POLI: variants seen among roughly 807,000 people sequenced by gnomAD.
POLI encodes the protein DNA polymerase iota.
Under a neutral mutation model 51.6 loss-of-function variants are expected in POLI, and 58 were observed. The observed-to-expected ratio is 1.12, with a 90% CI of 0.91 to 1.40. POLI has a LOEUF of 1.40. POLI is among the 40% of genes most tolerant of loss of function. The probability of loss-of-function intolerance (pLI) is 0.00; values close to 1 mark genes in which losing one functional copy is unlikely to be tolerated. For synonymous variants in POLI, 322 were observed against 299.7 expected, an observed-to-expected ratio of 1.07 and a Z score of -0.77; for missense variants, 921 against 871.3, an observed-to-expected ratio of 1.06 and a Z score of -0.72.
At chr18:54,304,313 C>G (rs1212213173) in intron 3 of POLI, among the ~76,000 whole-genome samples, 3 of 152,136 alleles carry the variant, frequency 2.0e-5, no homozygotes, top group Admixed American at 6.5e-5. Flanking sequence ...ATTTCTAGTT[C>G]TAGATCCTTG....
intron 3 of POLI, among the ~76,000 whole-genome samples, chr18:54,314,352 T>C (rs1326925957): frequency 6.6e-6 from 1 of 152,342 alleles, no homozygotes; most frequent in South Asian, 2.1e-4. Flanking sequence ...AACTTTTTGA[T>C]GTTCTGCTGG....
At chr18:54,284,865 CAAT>C (rs1308595522) in intron 7 of POLI, 1 of 152,186 alleles carries the variant, frequency 6.6e-6, no homozygotes, top group African/African-American at 2.4e-5. Flanking sequence ...ATGTATTTCT[CAAT>C]ATTCCATATT....
chr18:54,277,738 CT>C lies in POLI; in HGVS notation c.444del (p.Gly149AspfsTer9). 1.9e-6 allele frequency: 3 copies of C among 1,607,106 alleles called. No individual in the cohort carries two copies. In the Middle Eastern group the frequency reaches 5.0e-4, roughly 266 times the overall value. On this transcript the variant is annotated frameshift_variant, in exon 4 of 10. Coordinates refer to ENST00000579534, the MANE Select transcript of POLI (RefSeq NM_007195.3). LOFTEE classifies it high-confidence loss of function. Reference protein sequence around the residue: ...LEEFSPVVERLGFDENFVDLT... With the variant: ...LEEFSPVVERXGFDENFVDLT... ...AGAATTTAGTCCAGTTGTTGAGAGA[CT>C]TGGATTTGATGAAAATTTTGTGGAT... is the stretch of plus-strand genomic sequence containing the variant.
chr18:54,294,313 C>G lies in POLI; in HGVS notation c.2069C>G (p.Thr690Arg), dbSNP rs1331528986. Reference sequence around the variant, plus strand: ...GCAACAGACTCTCATGAAGGACTTACAGAAAATAGAGAGCCAGATTCTGTT... The same window carrying G: ...GCAACAGACTCTCATGAAGGACTTAGAGAAAATAGAGAGCCAGATTCTGTT... ...TVATDSHEGLTENREPDSVDE... is the reference protein window; with the variant it reads ...TVATDSHEGLRENREPDSVDE... The change falls in exon 10 of 10, where the codon ACA becomes AGA. Residue 690 changes from threonine (T) to arginine (R), a missense_variant. By Grantham distance (71) the Thr-to-Arg change is moderately conservative. Coordinates refer to ENST00000579534, the MANE Select transcript of POLI (RefSeq NM_007195.3). The G allele has an allele frequency of 1.9e-6, 3 of 1,613,490 alleles. No individual in the cohort carries two copies. The highest frequency in any genetic ancestry group is 1.7e-5 in the Admixed American group (1 of 59,970).
rs761698213 is a variant in POLI at position 54,269,613 on chromosome 18, G to T, written c.67G>T (p.Ala23Ser). 5.3e-6 allele frequency: 8 copies of T among 1,512,178 alleles called. No homozygotes were observed. In the Admixed American group the frequency reaches 1.8e-4, roughly 34 times the overall value. 93.7% of individuals were successfully genotyped at this position (1,512,178 alleles called of 1,614,324 possible). The part of the protein sequence containing the change: ...GGDDDEEDAE[A>S]WAMELADVGA... ...CGACGACGACGAGGAAGACGCCGAGGCCTGGGCCATGGAACTGGCGGACGT... is the reference window on the plus strand; with the variant it reads ...CGACGACGACGAGGAAGACGCCGAGTCCTGGGCCATGGAACTGGCGGACGT... The change falls in exon 1 of 10, where the codon GCC becomes TCC. Residue 23 changes from alanine (A) to serine (S), a missense_variant. Physicochemically the swap from Ala to Ser is moderately conservative, Grantham distance 99. Coordinates refer to ENST00000579534, the MANE Select transcript of POLI (RefSeq NM_007195.3).
intron 8 of POLI, 41 bp from the exon 9 acceptor site, chr18:54,291,792 T>C (rs1382780160): frequency 4.4e-6 from 4 of 917,962 alleles, no homozygotes; most frequent in Non-Finnish European, 6.8e-6. Flanking sequence ...ATTATGCTCT[T>C]AATATTAATT....
intron 7 of POLI, among the ~76,000 whole-genome samples, chr18:54,285,455 G>A (rs1222307485): frequency 6.6e-6 from 1 of 151,448 alleles, no homozygotes; most frequent in East Asian, 1.9e-4. Context: ...CCCACACCAC[G>A]GGCCCTTATT....
At chr18:54,316,457 A>G (rs1295256913) in intron 3 of POLI, among the ~76,000 whole-genome samples, 1 of 152,246 alleles carries the variant, frequency 6.6e-6, no homozygotes, top group African/African-American at 2.4e-5. Flanking sequence ...GTACAAAACA[A>G]TTATTAACAG....
intron 3 of POLI, among the ~76,000 whole-genome samples, chr18:54,316,901 G>C (rs895751944): frequency 1.3e-5 from 2 of 152,120 alleles, no homozygotes; most frequent in African/African-American, 4.8e-5. Context: ...AGTTGATTGA[G>C]GGTTGCTATT....
chr18:54,294,141 C>A lies in POLI; in HGVS notation c.1897C>A (p.Arg633=). The A allele has an allele frequency of 6.2e-7, 1 of 1,610,606 alleles. No homozygotes were observed. The highest frequency in any genetic ancestry group is 2.2e-5 in the East Asian group (1 of 44,832). Reference sequence around the variant, plus strand: ...TTTAGATAATAGATTAAAAGATGAACGAATAAGTCAAGGACCTAAAGAACC... The same window carrying A: ...TTTAGATAATAGATTAAAAGATGAAAGAATAAGTCAAGGACCTAAAGAACC... ...YYLDNRLKDE[R]ISQGPKEPQG... The change falls in exon 10 of 10, where the codon CGA becomes AGA. Residue 633 remains arginine, a synonymous_variant. Coordinates refer to ENST00000579534, the MANE Select transcript of POLI (RefSeq NM_007195.3).
chr18:54,312,706 A>C (rs1235218746), intron 3 of POLI, among the ~76,000 whole-genome samples: 1 of 152,146 alleles, frequency 6.6e-6, no homozygotes, highest in Non-Finnish European at 1.5e-5. Context: ...TCTGATAATT[A>C]GTGATAAGCA....
chr18:54,291,921 C>T lies in POLI; in HGVS notation c.1287C>T (p.Thr429=), dbSNP rs1167815219. The part of the protein sequence containing the change: ...MVNVKMPFHL[T]LLSVCFCNLK... ...ATGTGAAGATGCCATTTCACCTTAC[C>T]CTTCTAAGTGTGTGCTTCTGCAACC... Residue 429 remains threonine, a synonymous_variant, in exon 9 of 10, where the codon ACC becomes ACT. Coordinates refer to ENST00000579534, the MANE Select transcript of POLI (RefSeq NM_007195.3). 3 of 1,608,644 alleles carry T rather than the reference C, an allele frequency of 1.9e-6. No individual in the cohort carries two copies. Among genetic ancestry groups the T allele is most frequent in the Non-Finnish European group, 1.7e-6 (2 of 1,175,714 alleles).
chr18:54,270,225 A>G, intron 1 of POLI: 1 of 176,166 alleles, frequency 5.7e-6, no homozygotes. Context: ...TAATTTAGAG[A>G]CAAGGTCTCC....
chr18:54,281,369 G>A (rs191540535), intron 5 of POLI, among the ~76,000 whole-genome samples: 49 of 152,220 alleles, frequency 3.2e-4, no homozygotes, highest in Middle Eastern at 6.8e-3. Flanking sequence ...TGAGGAGTTC[G>A]GTGACCTATT....
At chr18:54,283,327 A>T (rs2087602406) in intron 6 of POLI, among the ~76,000 whole-genome samples, 1 of 152,170 alleles carries the variant, frequency 6.6e-6, no homozygotes, top group Non-Finnish European at 1.5e-5. Context: ...AGAGTAGTCC[A>T]GTGATTTAGC....
intron 3 of POLI, among the ~76,000 whole-genome samples, chr18:54,304,778 T>C (rs574765895): frequency 6.6e-6 from 1 of 152,330 alleles, no homozygotes; most frequent in East Asian, 1.9e-4. Flanking sequence ...AGATCCCATT[T>C]GTCAATTTTG....
Position 54,277,788 on chromosome 18 carries a change from A to T in POLI, c.492A>T (p.Arg164Ser), listed in dbSNP as rs143166193. Residue 164 changes from arginine to serine, a missense_variant, in exon 4 of 10, where the codon AGA (arginine) becomes AGT (serine). Arg to Ser is a moderately radical substitution (Grantham distance 110). Coordinates refer to ENST00000579534, the MANE Select transcript of POLI (RefSeq NM_007195.3). ...ATCTAACAGAAATGGTTGAGAAGAG[A>T]CTACAGCAGCTGCAAAGTGATGAAC... ...FVDLTEMVEK[R>S]LQQLQSDELS... The T allele has an allele frequency of 9.3e-6, 15 of 1,612,740 alleles. No individual in the cohort carries two copies. Among genetic ancestry groups the T allele is most frequent in the African/African-American group, 1.3e-5 (1 of 74,892 alleles).
In POLI at chr18:54,269,660, G is replaced by T; in HGVS notation, c.114G>T (p.Gln38His). The T allele has an allele frequency of 6.6e-7, 1 of 1,505,408 alleles. No individual in the cohort carries two copies. 93.3% of individuals were successfully genotyped at this position (1,505,408 alleles called of 1,614,324 possible). A position where few individuals can be genotyped will look rare whatever the true frequency, so the allele number is the denominator to read the frequency against. Residue 38 changes from glutamine to histidine, a missense_variant and splice_region_variant, in exon 1 of 10, where the codon CAG (glutamine) becomes CAT (histidine). Gln to His is a conservative substitution (Grantham distance 24). Transcript: ENST00000579534. ...ACGTGGGGGCGGCAGCCAGCTCGCA[G>T]GGTGCGCCGCAGCCAGAGGAGCCAG... The part of the protein sequence containing the change: ...LADVGAAASS[Q>H]GVHDQVLPTP...
Position 54,287,382 on chromosome 18 carries a change from C to T in POLI, c.1169C>T (p.Pro390Leu), listed in dbSNP as rs200852409. The change falls in exon 8 of 10, where the codon CCT (proline) becomes CTT (leucine). Residue 390 changes from proline (P) to leucine (L), a missense_variant. Coordinates refer to ENST00000579534, the MANE Select transcript of POLI (RefSeq NM_007195.3). ...CGTGAGAGTCGTCAGTGCCCTATTC[C>T]TTCACATGTAATTCAGAAATTAGGG... The part of the protein sequence containing the change: ...YGRESRQCPI[P>L]SHVIQKLGTG... The T allele has an allele frequency of 3.1e-6, 5 of 1,607,270 alleles. No homozygotes were observed. Among genetic ancestry groups the T allele is most frequent in the Non-Finnish European group, 4.3e-6 (5 of 1,176,064 alleles).
Sources: gnomAD v4.1 joint callset for allele counts (sites outside exome capture counted in the v4.1 genomes callset) on GRCh38, gnomAD v4.1.1 for gene constraint, MANE v1.5 for transcripts, NCBI Gene and HGNC (gene_info 2026-07-23, HGNC 2026-07-21) for gene names.